The following PLCB1 variants were observed in gnomAD, a reference collection of about 807,000 sequenced individuals.
PLCB1 encodes 1-phosphatidylinositol 4,5-bisphosphate phosphodiesterase beta-1.
A neutral mutation model predicts 161.8 loss-of-function variants in PLCB1; 46 were observed. The observed-to-expected ratio is 0.28, with a 90% CI of 0.22 to 0.36. The LOEUF (loss-of-function observed/expected upper bound fraction) is 0.36. Among genes scored for constraint, PLCB1 ranks in the 10% least tolerant of loss-of-function variants. The pLI is 1.00. For missense variants in PLCB1, 1,016 were observed against 1,472.5 expected (o/e 0.69, Z 5.07); for synonymous variants, 517 against 503.7 (o/e 1.03, Z -0.35).
intron 27 of PLCB1, among the ~76,000 whole-genome samples, chr20:8,784,394 C>G (rs1462147851): frequency 6.6e-6 from 1 of 151,978 alleles, no homozygotes; most frequent in Non-Finnish European, 1.5e-5. Context: ...GAAACCCTGT[C>G]TCTACTAAAA....
intron 3 of PLCB1, among the ~76,000 whole-genome samples, chr20:8,570,651 C>A (rs1478043705): frequency 1.1e-5 from 1 of 87,478 alleles, no homozygotes; most frequent in Non-Finnish European, 3.0e-5. Flanking sequence ...ATCTTAGAGA[C>A]CCCAGAAACA....
At chr20:8,532,494 T>A (rs1469762675) in intron 3 of PLCB1, among the ~76,000 whole-genome samples, 1 of 152,202 alleles carries the variant, frequency 6.6e-6, no homozygotes, top group Non-Finnish European at 1.5e-5. Flanking sequence ...CATTTCCCTG[T>A]CATAAGCACT....
intron 3 of PLCB1, among the ~76,000 whole-genome samples, chr20:8,396,343 C>A (rs1987767636): frequency 6.6e-6 from 1 of 151,980 alleles, no homozygotes; most frequent in Non-Finnish European, 1.5e-5. Context: ...TTTAATCCAA[C>A]CAAAACATAT....
chr20:8,281,869 G>A (rs1298261889), intron 2 of PLCB1, among the ~76,000 whole-genome samples: 1 of 151,998 alleles, frequency 6.6e-6, no homozygotes, highest in Non-Finnish European at 1.5e-5. Flanking sequence ...CAATTGTAGG[G>A]AGGTTTGATT....
intron 3 of PLCB1, among the ~76,000 whole-genome samples, chr20:8,400,899 G>A (rs2662989): frequency 0.22 from 32,852 of 152,000 alleles, 3,976 homozygotes; most frequent in African/African-American, 0.29. Context: ...CGAATTTCCT[G>A]TTGGTGAAAT....
At chr20:8,268,798 A>T (rs539126533) in intron 2 of PLCB1, among the ~76,000 whole-genome samples, 2 of 151,764 alleles carry the variant, frequency 1.3e-5, no homozygotes, top group South Asian at 4.2e-4. Context: ...TCCTTTGCCC[A>T]CTTTTTGATG....
chr20:8,137,833 A>T (rs1195593518), intron 1 of PLCB1, among the ~76,000 whole-genome samples: 1 of 152,154 alleles, frequency 6.6e-6, no homozygotes, highest in African/African-American at 2.4e-5. Context: ...TAATCTAATA[A>T]GCTATTTTTA....
In PLCB1 at chr20:8,657,092, AAGG is replaced by A. The variant is rs1989482417; in HGVS notation, c.595-89_595-87del. ...GGTGAGGGAAGGGGGGAAGAAAAGA[AAGG>A]AGAGAAAAGAAGACAGAGAAAAAAC... On this transcript the variant is annotated intron_variant, in intron 7 of 31. Transcript: ENST00000338037. The A allele has an allele frequency of 4.0e-6, 3 of 749,926 alleles. No homozygotes were observed. The South Asian group carries it at 4.4e-5, about 11-fold the overall frequency. The allele number at this position is 749,926 out of a possible 1,614,324, so 46.5% of individuals were successfully genotyped here.
chr20:8,410,433 C>T (rs1352782173), intron 3 of PLCB1, among the ~76,000 whole-genome samples: 1 of 152,000 alleles, frequency 6.6e-6, no homozygotes, highest in African/African-American at 2.4e-5. Context: ...GATTAGTGAT[C>T]CTTTTATTCA....
rs544173145 is a variant in PLCB1 at position 8,848,171 on chromosome 20, TTAACTC to T, written c.3424-33448_3424-33443del. 4.8e-3 allele frequency among the ~76,000 whole-genome samples: 724 copies of T among 152,306 alleles called. 7 individuals are homozygous for T. The highest frequency in any genetic ancestry group is 8.2e-3 in the Non-Finnish European group (559 of 68,026). ...ACATTGGCCATTAAGTTTCAACACTTTAACTCTAGAGGGAACACATTCAAATCATAG... is the reference window on the plus strand; with the variant it reads ...ACATTGGCCATTAAGTTTCAACACTTTAGAGGGAACACATTCAAATCATAG... On this transcript the variant is annotated intron_variant, in intron 31 of 31. Coordinates refer to ENST00000338037, the MANE Select transcript of PLCB1 (RefSeq NM_015192.4).
chr20:8,713,291 C>T (rs757353908), intron 12 of PLCB1, among the ~76,000 whole-genome samples: 6 of 152,062 alleles, frequency 3.9e-5, no homozygotes, highest in Admixed American at 1.3e-4. Flanking sequence ...CAGATTCAAG[C>T]GATTCTCCTG....
intron 3 of PLCB1, among the ~76,000 whole-genome samples, chr20:8,519,475 A>AT (rs1984264202): frequency 2.0e-5 from 3 of 152,080 alleles, no homozygotes; most frequent in Admixed American, 1.3e-4. Flanking sequence ...AAAGCACAGA[A>AT]TATCTCCCAG....
At chr20:8,448,499 A>G (rs1483539675) in intron 3 of PLCB1, among the ~76,000 whole-genome samples, 1 of 152,210 alleles carries the variant, frequency 6.6e-6, no homozygotes, top group African/African-American at 2.4e-5. Flanking sequence ...AGCTGGCAGA[A>G]TAATTGCTGT....
At chr20:8,349,752 T>C (rs1261392661) in intron 2 of PLCB1, among the ~76,000 whole-genome samples, 3 of 152,064 alleles carry the variant, frequency 2.0e-5, no homozygotes, top group African/African-American at 7.2e-5. Context: ...GATAGAGCAA[T>C]GTGACAAGCA....
chr20:8,400,184 G>C (rs1373029452), intron 3 of PLCB1, among the ~76,000 whole-genome samples: 2 of 152,244 alleles, frequency 1.3e-5, no homozygotes, highest in African/African-American at 2.4e-5. Context: ...TTCCTGATTG[G>C]ATTTTTATCT....
chr20:8,717,092 A>G (rs1158883728), intron 13 of PLCB1, among the ~76,000 whole-genome samples: 1 of 152,200 alleles, frequency 6.6e-6, no homozygotes, highest in African/African-American at 2.4e-5. Context: ...GAAACAGTCA[A>G]AATAAGGCTT....
chr20:8,276,983 C>CTTATTA lies in PLCB1; in HGVS notation c.178-94397_178-94396insATTATT, dbSNP rs1327121503. ...TCTTCTTCTTCTTCTTCTTCTTCTT[C>CTTATTA]TTCTTATTATTATTATTATTATTAT... On this transcript the variant is annotated intron_variant, in intron 2 of 31. Coordinates refer to ENST00000338037, the MANE Select transcript of PLCB1 (RefSeq NM_015192.4). Among the ~76,000 whole-genome samples, 801 of 99,100 alleles carry CTTATTA rather than the reference C, an allele frequency of 8.1e-3. 4 individuals carry two copies. The highest frequency in any genetic ancestry group is 0.017 in the East Asian group (54 of 3,104). The allele number at this position is 99,100 out of a possible 152,430, so 65.0% of individuals were successfully genotyped here.
chr20:8,786,441 C>T (rs1246963801), intron 27 of PLCB1, among the ~76,000 whole-genome samples: 1 of 152,186 alleles, frequency 6.6e-6, no homozygotes, highest in African/African-American at 2.4e-5. Flanking sequence ...ATTTAATCCA[C>T]TTCACAGATG....
intron 4 of PLCB1, among the ~76,000 whole-genome samples, chr20:8,642,696 A>G (rs1988995578): frequency 6.6e-6 from 1 of 152,260 alleles, no homozygotes; most frequent in Non-Finnish European, 1.5e-5. Context: ...TATTAATTCA[A>G]TAGAGGACGA....
Sources: allele counts gnomAD v4.1 joint callset (sites outside exome capture counted in the v4.1 genomes callset), GRCh38; gene constraint gnomAD v4.1.1; transcripts MANE v1.5; gene names NCBI Gene and HGNC (gene_info 2026-07-23, HGNC 2026-07-21).